Variants in DAB1 observed in about 807,000 individuals in gnomAD.
The protein encoded by DAB1 is disabled homolog 1.
Under a neutral mutation model 64.6 loss-of-function variants are expected in DAB1, and 15 were observed. The observed-to-expected ratio is 0.23, with a 90% CI of 0.16 to 0.36. The LOEUF is 0.36. Among genes scored for constraint, DAB1 ranks in the 10% least tolerant of loss-of-function variants. The pLI is 1.00. For synonymous variants in DAB1, 235 were observed against 251.9 expected (o/e 0.93, Z 0.64); for missense variants, 596 against 706.7 (o/e 0.84, Z 1.78).
At chr1:57,039,929 A>T (rs1647522023) in intron 9 of DAB1, among the ~76,000 whole-genome samples, 1 of 152,224 alleles carries the variant, frequency 6.6e-6, no homozygotes, top group Admixed American at 6.5e-5. Context: ...GGTCTGTCAT[A>T]AGACTGTGAT....
At chr1:57,869,738 T>A (rs904021573) in intron 1 of DAB1, among the ~76,000 whole-genome samples, 3 of 152,114 alleles carry the variant, frequency 2.0e-5, no homozygotes, top group Non-Finnish European at 2.9e-5. Context: ...GAAAGCTAAT[T>A]AGAGCTAATT....
rs200564138 is a variant in DAB1 at position 57,514,068 on chromosome 1, T to C, written n.625+135524A>G. 1.4e-4 allele frequency among the ~76,000 whole-genome samples: 21 copies of C among 152,376 alleles called. No individual in the cohort carries two copies. The East Asian group carries it at 3.5e-3, about 25-fold the overall frequency. ...GAATAGTTTTCCGTTCTATATGTTT[T>C]CTTTATTCATTCATCCCTTCATAGA... On this transcript the variant is annotated intron_variant and non_coding_transcript_variant, in intron 7 of 20. Transcript: ENST00000485760.
At chr1:57,502,502 C>G (rs968531950) in intron 7 of DAB1, among the ~76,000 whole-genome samples, 1 of 151,978 alleles carries the variant, frequency 6.6e-6, no homozygotes, top group African/African-American at 2.4e-5. Context: ...ATATTTTACC[C>G]TTATTTATTT....
chr1:57,078,726 G>C (rs1652212367), intron 4 of DAB1, among the ~76,000 whole-genome samples: 1 of 152,174 alleles, frequency 6.6e-6, no homozygotes, highest in Non-Finnish European at 1.5e-5. Flanking sequence ...TAGGTGTTTT[G>C]TTATTGGTGG....
At chr1:57,173,182 G>A (rs1382919647) in intron 2 of DAB1, among the ~76,000 whole-genome samples, 1 of 152,236 alleles carries the variant, frequency 6.6e-6, no homozygotes, top group South Asian at 2.1e-4. Flanking sequence ...AGTAAGGATG[G>A]TATTAAAGCC....
At chr1:57,251,187 C>A (rs1364673168) in intron 2 of DAB1, among the ~76,000 whole-genome samples, 1 of 152,166 alleles carries the variant, frequency 6.6e-6, no homozygotes, top group Non-Finnish European at 1.5e-5. Context: ...GAATGACCGT[C>A]CTTGAATATG....
At chr1:57,426,430 G>C (rs1375290385), upstream of DAB1, among the ~76,000 whole-genome samples, 1 of 152,112 alleles carries the variant, frequency 6.6e-6, no homozygotes, top group Non-Finnish European at 1.5e-5. Flanking sequence ...AAATCTTAAA[G>C]GAACATTTTA....
intron 5 of DAB1, among the ~76,000 whole-genome samples, chr1:58,116,058 T>G (rs951656576): frequency 6.6e-6 from 1 of 151,946 alleles, no homozygotes; most frequent in South Asian, 2.1e-4. Flanking sequence ...ATAAATAAAT[T>G]ACTCAGTTTG....
At chr1:57,552,179 A>C (rs1348783689) in intron 7 of DAB1, among the ~76,000 whole-genome samples, 1 of 152,218 alleles carries the variant, frequency 6.6e-6, no homozygotes, top group Non-Finnish European at 1.5e-5. Flanking sequence ...CTCCAAAAGT[A>C]GGTTAGCTTC....
rs1294112190 is a variant in DAB1 at position 57,220,515 on chromosome 1, C to T, written c.67+70449G>A. Among the ~76,000 whole-genome samples the T allele has an allele frequency of 2.6e-5, 4 of 152,156 alleles. No individual in the cohort carries two copies. In the East Asian group the frequency reaches 7.7e-4, roughly 29 times the overall value. The stretch of plus-strand genomic sequence containing the variant: ...GTCTTCTAATAGCAGGTATTATTAG[C>T]ATATCCATTGTACAACCAGGGAAAC... On this transcript the variant is annotated intron_variant, in intron 2 of 14. Transcript: ENST00000371236.
At chr1:57,824,235 G>C (rs1260888806), downstream of DAB1, among the ~76,000 whole-genome samples, 2 of 152,170 alleles carry the variant, frequency 1.3e-5, no homozygotes, top group South Asian at 2.1e-4. Context: ...TGGTGGTTTG[G>C]TTCCAGCGTC....
At chr1:58,532,196 A>T (rs1350919542) in intron 1 of DAB1, among the ~76,000 whole-genome samples, 1 of 152,130 alleles carries the variant, frequency 6.6e-6, no homozygotes, top group East Asian at 1.9e-4. Context: ...CAAAACTGAG[A>T]CTCCCAAAAG....
At chr1:57,731,908 T>C (rs1647445474) in intron 6 of DAB1, among the ~76,000 whole-genome samples, 2 of 152,170 alleles carry the variant, frequency 1.3e-5, no homozygotes, top group Admixed American at 6.5e-5. Flanking sequence ...ACATATGTGT[T>C]TGAGAATTAT....
At chr1:57,154,285 T>C (rs1340180638) in intron 2 of DAB1, among the ~76,000 whole-genome samples, 4 of 152,228 alleles carry the variant, frequency 2.6e-5, no homozygotes, top group Non-Finnish European at 5.9e-5. Context: ...AGTAAGAACA[T>C]GCAATGTTTG....
intron 7 of DAB1, among the ~76,000 whole-genome samples, chr1:57,450,031 G>A (rs1019533957): frequency 6.6e-6 from 1 of 152,162 alleles, no homozygotes; most frequent in African/African-American, 2.4e-5. Flanking sequence ...TAGGCTCATA[G>A]ATGTACACCA....
intron 4 of DAB1, among the ~76,000 whole-genome samples, chr1:58,168,995 C>T (rs1278452018): frequency 2.6e-5 from 4 of 152,186 alleles, no homozygotes; most frequent in Non-Finnish European, 2.9e-5. Flanking sequence ...GTAAGGGCCA[C>T]TAAATCTGAC....
At chr1:58,176,398 G>A (rs774507633) in intron 4 of DAB1, among the ~76,000 whole-genome samples, 4 of 152,068 alleles carry the variant, frequency 2.6e-5, no homozygotes, top group Non-Finnish European at 4.4e-5. Context: ...TTAAAAACTG[G>A]GGTTTCTCTC....
intron 5 of DAB1, among the ~76,000 whole-genome samples, chr1:58,137,034 G>C (rs1326661065): frequency 6.6e-6 from 1 of 152,100 alleles, no homozygotes; most frequent in Non-Finnish European, 1.5e-5. Context: ...TGAATGGCGG[G>C]AAGGGCACAG....
chr1:57,092,572 C>A (rs1236303574), intron 4 of DAB1, among the ~76,000 whole-genome samples: 1 of 151,406 alleles, frequency 6.6e-6, no homozygotes, highest in Non-Finnish European at 1.5e-5. Flanking sequence ...CCTGAGGCCT[C>A]CCCAATCATG....
Sources: allele counts gnomAD v4.1 joint callset (sites outside exome capture counted in the v4.1 genomes callset), GRCh38; gene constraint gnomAD v4.1.1; transcripts MANE v1.5; gene names NCBI Gene and HGNC (gene_info 2026-07-23, HGNC 2026-07-21).